GNAO1: variants seen among roughly 807,000 people sequenced by gnomAD.
The protein encoded by GNAO1 is guanine nucleotide-binding protein G(o) subunit alpha.
For missense variants in GNAO1, 166 were observed against 478.7 expected (o/e 0.35, Z 6.10); for synonymous variants, 164 against 180.7 (o/e 0.91, Z 0.74).
intron 3 of GNAO1, among the ~76,000 whole-genome samples, chr16:56,321,366 C>T (rs1340098226): frequency 6.6e-6 from 1 of 152,190 alleles, no homozygotes; most frequent in African/African-American, 2.4e-5. Context: ...CAGGTGCCTC[C>T]CTCTCAGCTC....
intron 3 of GNAO1, chr16:56,301,824 C>T (rs1287682977): frequency 6.6e-6 from 1 of 152,134 alleles, no homozygotes; most frequent in South Asian, 2.1e-4. Context: ...GTGTGCTGAG[C>T]ACCTGACTGC....
chr16:56,344,880 A>G, intron 6 of GNAO1: 7 of 985,424 alleles, frequency 7.1e-6, no homozygotes, highest in Non-Finnish European at 8.4e-6. Flanking sequence ...GTGGTTGCAG[A>G]GGTCTAGAGG....
At chr16:56,197,704 T>C (rs547735445) in intron 2 of GNAO1, among the ~76,000 whole-genome samples, 1 of 152,340 alleles carries the variant, frequency 6.6e-6, no homozygotes, top group African/African-American at 2.4e-5. Flanking sequence ...AGATTTACGA[T>C]GCTCAGAGTG....
At chr16:56,222,740 G>A (rs11644870) in intron 2 of GNAO1, among the ~76,000 whole-genome samples, 21,542 of 152,084 alleles carry the variant, frequency 0.14, 2,048 homozygotes, top group African/African-American at 0.27. Flanking sequence ...AAAACCCAGG[G>A]GCGACAGATC....
intron 4 of GNAO1, among the ~76,000 whole-genome samples, chr16:56,331,098 C>CAA: frequency 6.6e-6 from 1 of 152,220 alleles, no homozygotes; most frequent in South Asian, 2.1e-4. Flanking sequence ...GGAGGACTCA[C>CAA]AGGGCTGCCA....
chr16:56,299,835 C>A (rs1240307338), intron 3 of GNAO1, among the ~76,000 whole-genome samples: 1 of 152,150 alleles, frequency 6.6e-6, no homozygotes, highest in African/African-American at 2.4e-5. Flanking sequence ...TATTACTCTG[C>A]TGGGAGAAAT....
intron 3 of GNAO1, among the ~76,000 whole-genome samples, chr16:56,313,731 T>C (rs1408177182): frequency 1.3e-5 from 2 of 152,216 alleles, no homozygotes; most frequent in Admixed American, 1.3e-4. Context: ...GACCCTTCTT[T>C]TTTTACTTTT....
chr16:56,349,197 A>G (rs2037899774), intron 6 of GNAO1, among the ~76,000 whole-genome samples: 1 of 152,140 alleles, frequency 6.6e-6, no homozygotes, highest in South Asian at 2.1e-4. Flanking sequence ...CTCAGTGGCC[A>G]AGGGGGCACA....
intron 3 of GNAO1, among the ~76,000 whole-genome samples, chr16:56,279,799 A>G (rs1430296661): frequency 6.6e-6 from 1 of 152,192 alleles, no homozygotes; most frequent in African/African-American, 2.4e-5. Context: ...CACAGCACAC[A>G]TCTAGGAGAT....
intron 6 of GNAO1, chr16:56,347,633 T>C (rs111873654): frequency 2.0e-5 from 9 of 454,234 alleles, no homozygotes; most frequent in African/African-American, 7.0e-5. Context: ...GGGCTCCCCC[T>C]GGAACAGAAG....
chr16:56,344,027 C>A, intron 6 of GNAO1: 1 of 1,573,574 alleles, frequency 6.4e-7, no homozygotes, highest in Non-Finnish European at 8.6e-7. Context: ...CTCCACCACT[C>A]TCAGACCACT....
intron 6 of GNAO1, among the ~76,000 whole-genome samples, chr16:56,338,615 T>TTCCCCCTGGAATCCAGCC (rs1159121124): frequency 6.6e-6 from 1 of 152,254 alleles, no homozygotes. Context: ...AGGAGGGCCC[T>TTCCCCCTGGAATCCAGCC]TCCCCCTGGA....
At chr16:56,337,294 C>G (rs906619389) in intron 6 of GNAO1, among the ~76,000 whole-genome samples, 1 of 152,060 alleles carries the variant, frequency 6.6e-6, no homozygotes, top group Non-Finnish European at 1.5e-5. Context: ...AGCATGGGGC[C>G]GGGGATGCTG....
At chr16:56,340,508 A>G (rs2037791157) in intron 6 of GNAO1, 1 of 301,574 alleles carries the variant, frequency 3.3e-6, no homozygotes, top group South Asian at 6.8e-5. Flanking sequence ...CTGTACGTGC[A>G]TGGTGCATGT....
intron 6 of GNAO1, among the ~76,000 whole-genome samples, chr16:56,350,969 GCA>G (rs1287740686): frequency 2.0e-5 from 3 of 151,902 alleles, no homozygotes; most frequent in African/African-American, 7.3e-5. Flanking sequence ...ACACACAGGT[GCA>G]CACACATAGG....
At chr16:56,284,863 A>G (rs2037149850) in intron 3 of GNAO1, among the ~76,000 whole-genome samples, 1 of 152,252 alleles carries the variant, frequency 6.6e-6, no homozygotes, top group African/African-American at 2.4e-5. Flanking sequence ...AGGATGAAAG[A>G]TGCAGAATAT....
At chr16:56,285,494 G>T (rs1211105274) in intron 3 of GNAO1, among the ~76,000 whole-genome samples, 1 of 152,118 alleles carries the variant, frequency 6.6e-6, no homozygotes, top group Non-Finnish European at 1.5e-5. Flanking sequence ...CTTTGGGCTT[G>T]TGGTACCTGT....
intron 3 of GNAO1, among the ~76,000 whole-genome samples, chr16:56,321,133 G>A (rs892928819): frequency 1.3e-5 from 2 of 152,174 alleles, no homozygotes; most frequent in Non-Finnish European, 2.9e-5. Flanking sequence ...ATGGGAGGGG[G>A]TCTTCCTGCA....
At chr16:56,217,972 A>C (rs1178429831) in intron 2 of GNAO1, among the ~76,000 whole-genome samples, 1 of 152,240 alleles carries the variant, frequency 6.6e-6, no homozygotes, top group Non-Finnish European at 1.5e-5. Context: ...GTATGTTCCT[A>C]GGAGGAAAGA....
Sources: allele counts gnomAD v4.1 joint callset (sites outside exome capture counted in the v4.1 genomes callset), GRCh38; gene constraint gnomAD v4.1.1; transcripts MANE v1.5; gene names NCBI Gene and HGNC (gene_info 2026-07-23, HGNC 2026-07-21).